The following ZNF541 variants were observed in gnomAD, a reference collection of about 807,000 sequenced individuals.
ZNF541 encodes zinc finger protein 541.
A neutral mutation model predicts 123.5 loss-of-function variants in ZNF541; 23 were observed. The ratio of observed to expected loss-of-function variants is 0.19; its 90% CI spans 0.13 to 0.26. ZNF541 has a LOEUF of 0.26. Ranked by LOEUF, ZNF541 falls within the 10% of genes least tolerant of loss-of-function variation. ZNF541 has a pLI of 1.00. For synonymous variants in ZNF541, 751 were observed against 754.5 expected, an observed-to-expected ratio of 1.00 and a Z score of 0.08; for missense variants, 1,612 against 1,789.9, an observed-to-expected ratio of 0.90 and a Z score of 1.79.
intron 5 of ZNF541, among the ~76,000 whole-genome samples, chr19:47,542,550 GC>G (rs1483176531): frequency 1.2e-4 from 19 of 152,006 alleles, no homozygotes; most frequent in Admixed American, 1.2e-3. Context: ...TACTTGGAAG[GC>G]CCAGGCAGGA....
Position 47,538,257 on chromosome 19 carries a change from G to C in ZNF541, c.2979C>G (p.Pro993=), listed in dbSNP as rs1195499597. The C allele has an allele frequency of 6.4e-7, 1 of 1,551,520 alleles. No homozygotes were observed. Among genetic ancestry groups the C allele is most frequent in the Middle Eastern group, 1.7e-4 (1 of 5,978 alleles). The change falls in exon 9 of 17, where the codon CCC becomes CCG. Residue 993 remains proline, a synonymous_variant. Coordinates refer to ENST00000391901, the MANE Select transcript of ZNF541 (RefSeq NM_001277075.3). The part of the protein sequence containing the change: ...CLLKGLFQCS[P]YTPPPMLSPI... ...GGCTGAGCATTGGGGGTGGTGTGTA[G>C]GGGGAGCACTGGAATAAGCCCTTCA...
chr19:47,535,763 C>T (rs1268647984), intron 9 of ZNF541, among the ~76,000 whole-genome samples: 2 of 151,632 alleles, frequency 1.3e-5, no homozygotes, highest in African/African-American at 2.4e-5. Flanking sequence ...AGCTCTTTCG[C>T]CCAGGCTAAA....
intron 1 of ZNF541, among the ~76,000 whole-genome samples, 41 bp downstream of exon 1, chr19:47,573,042 G>A (rs984015160): frequency 6.6e-6 from 1 of 151,242 alleles, no homozygotes; most frequent in African/African-American, 2.4e-5. Context: ...GGGGGATAAG[G>A]AGGAAAGGGA....
intron 2 of ZNF541, among the ~76,000 whole-genome samples, chr19:47,560,187 G>A (rs1478285662): frequency 2.0e-5 from 3 of 152,152 alleles, no homozygotes; most frequent in African/African-American, 7.2e-5. Context: ...GATGCTGCAG[G>A]CTGGCGCAAA....
rs1370371672 is a variant in ZNF541 at position 47,528,002 on chromosome 19, T to G, written c.3570+948A>C. On this transcript the variant is annotated intron_variant, in intron 14 of 16. Transcript: ENST00000391901. ...GCATAAACCACCACGCCAGGCCCTT[T>G]TTTTTTTTTTTTTTTTGAGACAGAG... Among the ~76,000 whole-genome samples, 3 of 143,334 alleles carry G rather than the reference T, an allele frequency of 2.1e-5. No homozygotes were observed. The East Asian group carries it at 6.4e-4, about 31-fold the overall frequency. 94.0% of individuals were successfully genotyped at this position (143,334 alleles called of 152,430 possible).
At chr19:47,551,202 A>G (rs1970585969) in intron 3 of ZNF541, among the ~76,000 whole-genome samples, 1 of 151,676 alleles carries the variant, frequency 6.6e-6, no homozygotes, top group Non-Finnish European at 1.5e-5. Flanking sequence ...ACCATGTCCA[A>G]CTAACTTTTG....
chr19:47,540,422 C>A, intron 6 of ZNF541, 87 bp from the exon 7 acceptor site: 2 of 1,349,116 alleles, frequency 1.5e-6, no homozygotes, highest in South Asian at 1.6e-5. Context: ...TCTTTTTTGT[C>A]TATAACTCCA....
rs1568507443 is a variant in ZNF541, at chr19:47,549,443, C to T, written c.350G>A (p.Gly117Glu). The change falls in exon 4 of 17, where the codon GGA becomes GAA. Residue 117 changes from glycine (G) to glutamate (E), a missense_variant. Physicochemically the swap from Gly to Glu is moderately conservative, Grantham distance 98. Transcript: ENST00000391901. ...GGCACTCCCCGAGGTGGCCCTTCCT[C>T]CTTCGTCAGCCTCTTTAGCCTTAAG... ...GVLKAKEADE[G>E]GRATSGSARK... 1.3e-6 allele frequency: 2 copies of T among 1,551,710 alleles called. No homozygotes were observed. Among genetic ancestry groups the T allele is most frequent in the Non-Finnish European group, 1.7e-6 (2 of 1,147,012 alleles).
intron 3 of ZNF541, among the ~76,000 whole-genome samples, chr19:47,553,697 C>T (rs548491211): frequency 7.2e-5 from 11 of 152,216 alleles, no homozygotes; most frequent in African/African-American, 2.4e-4. Context: ...AGCCACCACG[C>T]CTGGCCAAAT....
intron 2 of ZNF541, among the ~76,000 whole-genome samples, chr19:47,567,317 G>C (rs1971304069): frequency 6.6e-6 from 1 of 152,086 alleles, no homozygotes; most frequent in Non-Finnish European, 1.5e-5. Flanking sequence ...GAGTGTAGTG[G>C]TGCAATCTCA....
intron 14 of ZNF541, among the ~76,000 whole-genome samples, chr19:47,525,872 C>T (rs1299313421): frequency 2.0e-5 from 3 of 147,478 alleles, no homozygotes; most frequent in Admixed American, 6.9e-5. Flanking sequence ...GCCAAGATCT[C>T]GCCACTGCAC....
At chr19:47,558,616 T>C (rs1187113894) in intron 2 of ZNF541, among the ~76,000 whole-genome samples, 1 of 151,146 alleles carries the variant, frequency 6.6e-6, no homozygotes, top group Non-Finnish European at 1.5e-5. Context: ...TTTTTTGAGA[T>C]GGAGTTTCGC....
At position 47,545,756 on chromosome 19, in the gene ZNF541, A is replaced by G; in HGVS notation, c.773T>C (p.Val258Ala). ...QPPPSSLRSL[V>A]PPEARSPGSL... Reference sequence around the variant, plus strand: ...GCCGGGGGACCTGGCCTCTGGGGGCACCAGGGACCGCAGGCTGCTGGGGGG... The same window carrying G: ...GCCGGGGGACCTGGCCTCTGGGGGCGCCAGGGACCGCAGGCTGCTGGGGGG... The change falls in exon 5 of 17, where the codon GTG becomes GCG. Residue 258 changes from valine (V) to alanine (A), a missense_variant. By Grantham distance (64) the Val-to-Ala change is moderately conservative. Around this residue, in one of 5 missense-constraint regions of ZNF541, gnomAD observed 1,080 missense variants for 1,013.8 expected, o/e 1.07. Coordinates refer to ENST00000391901, the MANE Select transcript of ZNF541 (RefSeq NM_001277075.3). This position sits in a 1 kb window ranked among gnomAD's most constrained non-coding sequence, Gnocchi z 7.5. The G allele has an allele frequency of 6.5e-7, 1 of 1,542,402 alleles. No individual in the cohort carries two copies. Among genetic ancestry groups the G allele is most frequent in the Non-Finnish European group, 8.7e-7 (1 of 1,145,256 alleles).
rs1052173992 is a variant in ZNF541, at chr19:47,573,125, T to G, written c.-288A>C. Among the ~76,000 whole-genome samples, 6 of 149,474 alleles carry G rather than the reference T, an allele frequency of 4.0e-5. No homozygotes were observed. Among genetic ancestry groups the G allele is most frequent in the Non-Finnish European group, 7.4e-5 (5 of 67,164 alleles). On this transcript the variant is annotated 5_prime_UTR_variant, in exon 1 of 17. Coordinates refer to ENST00000391901, the MANE Select transcript of ZNF541 (RefSeq NM_001277075.3). ...CGCGCCGGGCCTCGCGCCTGGCGCC[T>G]CGCGGGGCTCCCAGCGGCCTCCCGC...
At chr19:47,555,413 A>G in intron 3 of ZNF541, 137 bp downstream of exon 3, 3 of 736,206 alleles carry the variant, frequency 4.1e-6, no homozygotes, top group Admixed American at 6.3e-5. Flanking sequence ...CCCAAGTAGG[A>G]AAAAAGGTGA....
intron 9 of ZNF541, among the ~76,000 whole-genome samples, chr19:47,534,021 A>G (rs967917687): frequency 1.3e-5 from 2 of 152,212 alleles, no homozygotes; most frequent in Non-Finnish European, 2.9e-5. Flanking sequence ...AAAGGAAGGT[A>G]TAATGACAAT....
intron 3 of ZNF541, among the ~76,000 whole-genome samples, chr19:47,550,249 C>CAAAGAA (rs1185125249): frequency 7.2e-6 from 1 of 138,758 alleles, no homozygotes; most frequent in East Asian, 2.1e-4. Flanking sequence ...GGGACTCTGT[C>CAAAGAA]AAAGAAAAAG....
Position 47,528,964 on chromosome 19 carries a change from A to T in ZNF541, c.3556T>A (p.Leu1186Met), listed in dbSNP as rs1969436817. The T allele has an allele frequency of 6.4e-7, 1 of 1,551,492 alleles. No individual in the cohort carries two copies. ...AFYAHKKDFY[L>M]IHKMIQTKTV... ...ATTCACTTTACCATCTTGTGTATCA[A>T]GTAGAAGTCCTTCTTGTGGGCATAG... is the stretch of plus-strand genomic sequence containing the variant. Residue 1186 changes from leucine (L) to methionine (M), a missense_variant, in exon 14 of 17, where the codon TTG becomes ATG. Transcript: ENST00000391901.
chr19:47,532,987 G>C lies in ZNF541; in HGVS notation c.3095-15C>G. ...ATCCACTTGATCTAGAAAGCACAGA[G>C]TGAAAAGGCTCAAGAAGACAGACAG... is the stretch of plus-strand genomic sequence containing the variant. On this transcript the variant is annotated splice_polypyrimidine_tract_variant and intron_variant, in intron 9 of 16. Coordinates refer to ENST00000391901, the MANE Select transcript of ZNF541 (RefSeq NM_001277075.3). 1 of 1,545,892 alleles carries C rather than the reference G, an allele frequency of 6.5e-7. No homozygotes were observed. Among genetic ancestry groups the C allele is most frequent in the Non-Finnish European group, 8.7e-7 (1 of 1,144,066 alleles).
Sources: allele counts gnomAD v4.1 joint callset (sites outside exome capture counted in the v4.1 genomes callset), GRCh38; gene constraint gnomAD v4.1.1; regional missense constraint gnomAD v4.1.1; non-coding constraint Gnocchi (gnomAD v3.1); transcripts MANE v1.5; gene names NCBI Gene and HGNC (gene_info 2026-07-23, HGNC 2026-07-21).